Variants in XKR6 observed in about 807,000 individuals in gnomAD.
XKR6 encodes XK related 6.
In XKR6, 22 loss-of-function variants were observed where a neutral mutation model predicts 56.7. The observed-to-expected ratio is 0.39, with a 90% CI of 0.28 to 0.55. The LOEUF (loss-of-function observed/expected upper bound fraction) is 0.55. Ranked by LOEUF, XKR6 falls within the 20% of genes least tolerant of loss-of-function variation. The pLI, the probability that XKR6 is intolerant of heterozygous loss-of-function variation, is 0.66. For missense variants in XKR6, 852 were observed against 889.0 expected (o/e 0.96, Z 0.53); for synonymous variants, 524 against 387.8 (o/e 1.35, Z -4.13).
At chr8:10,940,762 C>A (rs1801365164) in intron 1 of XKR6, among the ~76,000 whole-genome samples, 1 of 152,212 alleles carries the variant, frequency 6.6e-6, no homozygotes, top group African/African-American at 2.4e-5. Flanking sequence ...CAGCTGTACC[C>A]CGAGATGTCA....
chr8:10,981,266 A>G (rs1248341624), intron 1 of XKR6, among the ~76,000 whole-genome samples: 1 of 152,180 alleles, frequency 6.6e-6, no homozygotes, highest in African/African-American at 2.4e-5. Flanking sequence ...GATTTTCGAG[A>G]GTGAAGTTAT....
chr8:11,000,541 C>G (rs1798214394), intron 1 of XKR6, among the ~76,000 whole-genome samples: 1 of 152,062 alleles, frequency 6.6e-6, no homozygotes, highest in Admixed American at 6.6e-5. Context: ...AAAAATTAGC[C>G]AGGCACAGTG....
At chr8:11,100,556 C>A (rs1427397138) in intron 1 of XKR6, among the ~76,000 whole-genome samples, 1 of 152,224 alleles carries the variant, frequency 6.6e-6, no homozygotes, top group Non-Finnish European at 1.5e-5. Flanking sequence ...CACTGAGCAA[C>A]TGTAAGTGTG....
intron 1 of XKR6, among the ~76,000 whole-genome samples, chr8:11,136,243 G>A (rs562137729): frequency 1.4e-4 from 21 of 152,302 alleles, no homozygotes; most frequent in Admixed American, 6.5e-4. Flanking sequence ...GGCCTGGCGC[G>A]GCGGCTCACG....
chr8:11,175,671 CAATT>C (rs1455158255), intron 1 of XKR6: 2 of 152,156 alleles, frequency 1.3e-5, no homozygotes, highest in East Asian at 1.9e-4. Context: ...TCCTCAAAAA[CAATT>C]AATTTCTGAT....
rs1455403513 is a variant in XKR6, at chr8:10,947,627, G to A, written c.765-22797C>T. On this transcript the variant is annotated intron_variant, in intron 1 of 2. Coordinates refer to ENST00000416569, the MANE Select transcript of XKR6 (RefSeq NM_173683.4). ...AGAAAGACAGCACAGTGTAGCCCCC[G>A]GGGCCCTGGACCCAAGTATTGGCAA... Among the ~76,000 whole-genome samples the A allele has an allele frequency of 2.0e-5, 3 of 152,138 alleles. No individual in the cohort carries two copies. In the East Asian group the frequency reaches 5.8e-4, roughly 29 times the overall value.
At chr8:10,906,515 T>C (rs1800194028) in intron 2 of XKR6, among the ~76,000 whole-genome samples, 1 of 152,220 alleles carries the variant, frequency 6.6e-6, no homozygotes, top group Admixed American at 6.5e-5. Context: ...TTGCTGAAAA[T>C]ATGTACACAG....
intron 1 of XKR6, among the ~76,000 whole-genome samples, chr8:11,041,472 C>T (rs1799284921): frequency 6.6e-6 from 1 of 151,928 alleles, no homozygotes; most frequent in Non-Finnish European, 1.5e-5. Context: ...AGGAGTATCG[C>T]TTGAACCTGG....
Position 11,200,885 on chromosome 8 carries a change from T to A in XKR6, c.455A>T (p.Asp152Val). 1 of 1,611,104 alleles carries A rather than the reference T, an allele frequency of 6.2e-7. No individual in the cohort carries two copies. Residue 152 changes from aspartate (D) to valine (V), a missense_variant, in exon 1 of 3, where the codon GAC becomes GTC. Physicochemically the swap from Asp to Val is radical, Grantham distance 152. This residue lies in a region of XKR6 where 417 missense variants were observed against 355.2 expected (regional missense o/e 1.17). Coordinates refer to ENST00000416569, the MANE Select transcript of XKR6 (RefSeq NM_173683.4). The surrounding 1 kb of genome is among the most constrained non-coding windows in gnomAD (Gnocchi z 6.4). ...DVGTDLWLAL[D>V]YYRKGDYVYF... ...GACGTAGTCCCCCTTGCGGTAGTAG[T>A]CGAGGGCCAGCCACAGGTCGGTGCC...
At chr8:11,039,856 G>A (rs908290555) in intron 1 of XKR6, among the ~76,000 whole-genome samples, 30 of 152,202 alleles carry the variant, frequency 2.0e-4, no homozygotes, top group Non-Finnish European at 3.5e-4. Flanking sequence ...TACGAACGCC[G>A]GGGACAGCTG....
At chr8:11,108,341 A>G (rs922249620) in intron 1 of XKR6, 2 of 456,164 alleles carry the variant, frequency 4.4e-6, no homozygotes, top group East Asian at 6.9e-5. Context: ...CTAAATTTCC[A>G]GTCACTACTA....
At chr8:11,104,492 T>C (rs992314033) in intron 1 of XKR6, among the ~76,000 whole-genome samples, 4 of 152,244 alleles carry the variant, frequency 2.6e-5, no homozygotes, top group African/African-American at 9.6e-5. Context: ...ACTGGGAAAA[T>C]GAAGGCAATC....
chr8:11,181,455 G>A (rs188194812), intron 1 of XKR6, among the ~76,000 whole-genome samples: 1 of 152,250 alleles, frequency 6.6e-6, no homozygotes, highest in East Asian at 1.9e-4. Context: ...ATTACAAAGT[G>A]ACTATAGTTT....
chr8:10,940,676 C>T (rs1468901671), intron 1 of XKR6, among the ~76,000 whole-genome samples: 1 of 152,188 alleles, frequency 6.6e-6, no homozygotes, highest in African/African-American at 2.4e-5. Flanking sequence ...AGTGGCTTCT[C>T]CCCACTATCC....
chr8:11,176,602 C>T (rs1342019234), intron 1 of XKR6, among the ~76,000 whole-genome samples: 2 of 152,118 alleles, frequency 1.3e-5, no homozygotes, highest in African/African-American at 4.8e-5. Context: ...CAGCATTCCT[C>T]ATCCCCCAAA....
At chr8:11,136,307 T>C (rs935630532) in intron 1 of XKR6, among the ~76,000 whole-genome samples, 13 of 152,134 alleles carry the variant, frequency 8.5e-5, no homozygotes, top group African/African-American at 3.1e-4. Context: ...CTGAGGTCAG[T>C]TCAAGACCAG....
chr8:11,039,255 A>G (rs1207692714), intron 1 of XKR6, among the ~76,000 whole-genome samples: 1 of 152,238 alleles, frequency 6.6e-6, no homozygotes, highest in East Asian at 1.9e-4. Context: ...ATGGTGTGAA[A>G]CAGAAAAGAG....
chr8:11,006,725 T>C (rs1798377560), intron 1 of XKR6, among the ~76,000 whole-genome samples: 1 of 152,106 alleles, frequency 6.6e-6, no homozygotes, highest in Non-Finnish European at 1.5e-5. Context: ...ACAAACAGAA[T>C]TTGTAGGATT....
intron 1 of XKR6, among the ~76,000 whole-genome samples, chr8:11,087,547 C>T (rs1220230394): frequency 2.0e-5 from 3 of 152,006 alleles, no homozygotes; most frequent in Admixed American, 1.3e-4. Flanking sequence ...AGGAAGAGAC[C>T]TCCTCTCCTT....
Sources: allele counts gnomAD v4.1 joint callset (sites outside exome capture counted in the v4.1 genomes callset), GRCh38; gene constraint gnomAD v4.1.1; regional missense constraint gnomAD v4.1.1; non-coding constraint Gnocchi (gnomAD v3.1); transcripts MANE v1.5; gene names NCBI Gene and HGNC (gene_info 2026-07-23, HGNC 2026-07-21).